ADAMTS2: variants seen among roughly 807,000 people sequenced by gnomAD.
ADAMTS2 encodes A disintegrin and metalloproteinase with thrombospondin motifs 2.
A neutral mutation model predicts 123.0 loss-of-function variants in ADAMTS2; 50 were observed. The ratio of observed to expected loss-of-function variants is 0.41; its 90% CI spans 0.32 to 0.51. The LOEUF (loss-of-function observed/expected upper bound fraction) is 0.51. Among genes scored for constraint, ADAMTS2 ranks in the 20% least tolerant of loss-of-function variants. The pLI is 0.35. For missense variants in ADAMTS2, 1,494 were observed against 1,705.2 expected (o/e 0.88, Z 2.18); for synonymous variants, 678 against 695.4 (o/e 0.98, Z 0.39).
rs2113571285 is a variant in ADAMTS2, at chr5:179,308,598, T to C, written c.534+35169A>G. Among the ~76,000 whole-genome samples, 1 of 152,290 alleles carries C rather than the reference T, an allele frequency of 6.6e-6. No individual in the cohort carries two copies. The highest frequency in any genetic ancestry group is 2.4e-5 in the African/African-American group (1 of 41,570). ...AAACTTTGGGAGGATCCTTTTTAAT[T>C]GTATTTGCAAAACAGTTTCTCCCAA... On this transcript the variant is annotated intron_variant, in intron 2 of 21. Coordinates refer to ENST00000251582, the MANE Select transcript of ADAMTS2 (RefSeq NM_014244.5). This position sits in a 1 kb window ranked among gnomAD's most constrained non-coding sequence, Gnocchi z 6.6.
intron 2 of ADAMTS2, among the ~76,000 whole-genome samples, chr5:179,278,164 AC>A (rs1203611000): frequency 4.2e-5 from 1 of 23,838 alleles, no homozygotes; most frequent in Non-Finnish European, 7.8e-5. Flanking sequence ...CCAAAGGCTG[AC>A]CCCCCCGAGA....
At chr5:179,167,367 C>A (rs1475905555) in intron 5 of ADAMTS2, among the ~76,000 whole-genome samples, 1 of 152,112 alleles carries the variant, frequency 6.6e-6, no homozygotes, top group East Asian at 1.9e-4. Flanking sequence ...GCTCCCGGGG[C>A]CCCAGCGGCC....
intron 17 of ADAMTS2, among the ~76,000 whole-genome samples, 183 bp from the exon 18 acceptor site, chr5:179,126,313 G>A (rs948058738): frequency 1.8e-4 from 27 of 152,306 alleles, no homozygotes; most frequent in African/African-American, 6.5e-4. Context: ...TGTCCCGGGT[G>A]GAGGGGCGAG....
At chr5:179,206,562 C>A (rs139967916) in intron 4 of ADAMTS2, among the ~76,000 whole-genome samples, 9 of 152,198 alleles carry the variant, frequency 5.9e-5, no homozygotes, top group African/African-American at 1.9e-4. Context: ...ACAAATACCC[C>A]CCTGCCCCTA....
At chr5:179,205,122 G>A (rs1199277121) in intron 4 of ADAMTS2, among the ~76,000 whole-genome samples, 3 of 152,184 alleles carry the variant, frequency 2.0e-5, no homozygotes, top group Non-Finnish European at 4.4e-5. Flanking sequence ...GAATAAAGTT[G>A]GACGGCAAAA....
chr5:179,288,317 G>A (rs1756087186), intron 2 of ADAMTS2, among the ~76,000 whole-genome samples: 1 of 152,236 alleles, frequency 6.6e-6, no homozygotes. Flanking sequence ...GCCACTCCCG[G>A]GCGGGCAGCC....
At chr5:179,245,728 T>C (rs1289488039) in intron 3 of ADAMTS2, among the ~76,000 whole-genome samples, 2 of 106,946 alleles carry the variant, frequency 1.9e-5, no homozygotes, top group African/African-American at 3.8e-5. Flanking sequence ...ATCGCGCCAC[T>C]GCACTCCAGC....
intron 2 of ADAMTS2, among the ~76,000 whole-genome samples, chr5:179,281,787 A>G (rs1441600445): frequency 6.6e-6 from 1 of 152,146 alleles, no homozygotes; most frequent in East Asian, 1.9e-4. Context: ...GTGAGGGTTC[A>G]ATTTCCCCTC....
chr5:179,142,394 C>G (rs1310975776), intron 10 of ADAMTS2, among the ~76,000 whole-genome samples: 3 of 152,174 alleles, frequency 2.0e-5, no homozygotes, highest in African/African-American at 4.8e-5. Flanking sequence ...GGGACAAAGA[C>G]AGCTAAGAGC....
At chr5:179,235,281 G>T (rs183956265) in intron 3 of ADAMTS2, among the ~76,000 whole-genome samples, 1 of 152,338 alleles carries the variant, frequency 6.6e-6, no homozygotes, top group Non-Finnish European at 1.5e-5. Context: ...TGCCTTGGCT[G>T]AGAGGAGGCT....
rs1764254290 is a variant in ADAMTS2, at chr5:179,189,523, T to TG, written c.892-8369_892-8368insC. Among the ~76,000 whole-genome samples, 1 of 139,628 alleles carries TG rather than the reference T, an allele frequency of 7.2e-6. No individual in the cohort carries two copies. Among genetic ancestry groups the TG allele is most frequent in the African/African-American group, 2.7e-5 (1 of 37,280 alleles). 91.6% of individuals were successfully genotyped at this position (139,628 alleles called of 152,430 possible). A position where few individuals can be genotyped will look rare whatever the true frequency, so the allele number is the denominator to read the frequency against. On this transcript the variant is annotated intron_variant, in intron 4 of 21. Coordinates refer to ENST00000251582, the MANE Select transcript of ADAMTS2 (RefSeq NM_014244.5). This position sits in a 1 kb window ranked among gnomAD's most constrained non-coding sequence, Gnocchi z 4.2. Reference sequence around the variant, plus strand: ...CCAGTGCGCCTGGTTTTTTTTTTTTTTTTTTTTTTTTTTTTAGTAGAGGCA... The same window carrying TG: ...CCAGTGCGCCTGGTTTTTTTTTTTTTGTTTTTTTTTTTTTTTAGTAGAGGCA...
At chr5:179,274,652 G>A (rs1766645883) in intron 2 of ADAMTS2, among the ~76,000 whole-genome samples, 1 of 152,230 alleles carries the variant, frequency 6.6e-6, no homozygotes, top group Non-Finnish European at 1.5e-5. Context: ...TGCTCGGTGA[G>A]CCCCATCCTG....
intron 3 of ADAMTS2, among the ~76,000 whole-genome samples, chr5:179,252,990 T>TG (rs977118262): frequency 6.6e-6 from 1 of 152,238 alleles, no homozygotes; most frequent in African/African-American, 2.4e-5. Context: ...CTTTTCTCAT[T>TG]AAACGGTGAC....
intron 5 of ADAMTS2, among the ~76,000 whole-genome samples, chr5:179,166,695 C>T (rs931842212): frequency 2.6e-5 from 4 of 152,186 alleles, no homozygotes; most frequent in Non-Finnish European, 5.9e-5. Flanking sequence ...TGCGTGCGAT[C>T]GGTCACCTGC....
chr5:179,260,062 G>A lies in ADAMTS2; in HGVS notation c.688+12849C>T, dbSNP rs1048901066. Among the ~76,000 whole-genome samples the A allele has an allele frequency of 1.3e-5, 2 of 152,208 alleles. No individual in the cohort carries two copies. Among genetic ancestry groups the A allele is most frequent in the African/African-American group, 4.8e-5 (2 of 41,458 alleles). On this transcript the variant is annotated intron_variant, in intron 3 of 21. Coordinates refer to ENST00000251582, the MANE Select transcript of ADAMTS2 (RefSeq NM_014244.5). The surrounding 1 kb of genome is among the most constrained non-coding windows in gnomAD (Gnocchi z 4.2). The stretch of plus-strand genomic sequence containing the variant: ...CCTGCCGGATGGGTCACAAGCCGGC[G>A]AAGTCAGTCCTGCTCAAGTGTGAGG...
chr5:179,301,659 G>C (rs1355450419), intron 2 of ADAMTS2, among the ~76,000 whole-genome samples: 1 of 152,266 alleles, frequency 6.6e-6, no homozygotes, highest in African/African-American at 2.4e-5. Context: ...GTAACTGGGG[G>C]AGAGAAGTGG....
At position 179,271,661 on chromosome 5, in the gene ADAMTS2, T is replaced by C. The variant is rs146246354; in HGVS notation, c.688+1250A>G. 1.2e-3 allele frequency among the ~76,000 whole-genome samples: 184 copies of C among 152,344 alleles called. 5 individuals carry two copies. The East Asian group carries it at 0.03, about 25-fold the overall frequency. Reference sequence around the variant, plus strand: ...CCCAGTGGCCCGGCTGTCTGCAGCATAGCAGACGCTGATTTGTCACCAAGG... The same window carrying C: ...CCCAGTGGCCCGGCTGTCTGCAGCACAGCAGACGCTGATTTGTCACCAAGG... On this transcript the variant is annotated intron_variant, in intron 3 of 21. Coordinates refer to ENST00000251582, the MANE Select transcript of ADAMTS2 (RefSeq NM_014244.5).
chr5:179,206,914 T>C (rs1764711027), intron 4 of ADAMTS2, among the ~76,000 whole-genome samples: 1 of 152,118 alleles, frequency 6.6e-6, no homozygotes, highest in Admixed American at 6.5e-5. Context: ...CCCCTTTCAA[T>C]AGCCCAGACT....
At chr5:179,174,750 G>C (rs1763895722) in intron 5 of ADAMTS2, among the ~76,000 whole-genome samples, 1 of 152,220 alleles carries the variant, frequency 6.6e-6, no homozygotes, top group Non-Finnish European at 1.5e-5. Flanking sequence ...ACTTGCTTGG[G>C]TCCCACAGCT....
Sources: gnomAD v4.1 joint callset for allele counts (sites outside exome capture counted in the v4.1 genomes callset) on GRCh38, gnomAD v4.1.1 for gene constraint, Gnocchi (gnomAD v3.1) non-coding constraint, MANE v1.5 for transcripts, NCBI Gene and HGNC (gene_info 2026-07-23, HGNC 2026-07-21) for gene names.